PRR29: variants seen among roughly 807,000 people sequenced by gnomAD.
The protein encoded by PRR29 is proline rich 29.
A neutral mutation model predicts 25.1 loss-of-function variants in PRR29; 20 were observed. That is an observed-to-expected ratio of 0.80 (90% confidence interval 0.56 to 1.16). The LOEUF (loss-of-function observed/expected upper bound fraction) is 1.16. Ranked by LOEUF, PRR29 falls within the 50% of genes most tolerant of loss-of-function variation. The probability of loss-of-function intolerance (pLI) is 0.00; values close to 1 mark genes in which losing one functional copy is unlikely to be tolerated. For missense variants in PRR29, 238 were observed against 246.6 expected (o/e 0.97, Z 0.23); for synonymous variants, 108 against 102.6 (o/e 1.05, Z -0.32).
chr17:64,002,471 A>G lies in PRR29; in HGVS notation c.*710A>G, dbSNP rs1910840355. The G allele has an allele frequency of 2.0e-6, 1 of 490,820 alleles. No homozygotes were observed. Among genetic ancestry groups the G allele is most frequent in the South Asian group, 2.6e-5 (1 of 38,252 alleles). 30.4% of individuals were successfully genotyped at this position (490,820 alleles called of 1,614,324 possible). The stretch of plus-strand genomic sequence containing the variant: ...CTCGGGCCAGATGGGGGCCTGTTGC[A>G]TGGGCTGGGAGGCCCCTGTGAAGGA... On this transcript the variant is annotated 3_prime_UTR_variant, in exon 6 of 6. Coordinates refer to ENST00000412177, the MANE Select transcript of PRR29 (RefSeq NM_001164257.2).
chr17:64,000,372 T>C (rs889618194), intron 3 of PRR29, among the ~76,000 whole-genome samples: 10 of 152,158 alleles, frequency 6.6e-5, no homozygotes, highest in Non-Finnish European at 1.5e-4. Flanking sequence ...CTCTGTCACC[T>C]AGGCTGGAGT....
rs1349643010 is a variant in PRR29 at position 64,002,151 on chromosome 17, G to A, written c.*390G>A. ...GCCTAGTAATGGAGCAAGAGGGGAG[G>A]GGGGGATTCCTTCTGCTTTCCACAG... is the stretch of plus-strand genomic sequence containing the variant. On this transcript the variant is annotated 3_prime_UTR_variant, in exon 6 of 6. Coordinates refer to ENST00000412177, the MANE Select transcript of PRR29 (RefSeq NM_001164257.2). The A allele has an allele frequency of 1.3e-6, 1 of 796,310 alleles. No individual in the cohort carries two copies. The highest frequency in any genetic ancestry group is 2.7e-5 in the East Asian group (1 of 37,310). 49.3% of individuals were successfully genotyped at this position (796,310 alleles called of 1,614,324 possible). A position where few individuals can be genotyped will look rare whatever the true frequency, so the allele number is the denominator to read the frequency against.
chr17:64,001,352 G>A (rs957143005), intron 4 of PRR29, 42 bp downstream of exon 4: 1 of 1,515,572 alleles, frequency 6.6e-7, no homozygotes, highest in South Asian at 1.2e-5. Context: ...CTCTGGGCTG[G>A]AAGTTGCAGA....
chr17:63,999,170 C>A, intron 3 of PRR29, 96 bp downstream of exon 3: 1 of 928,344 alleles, frequency 1.1e-6, no homozygotes, highest in Non-Finnish European at 1.6e-6. Flanking sequence ...AACTGGGAGA[C>A]AGAGGAGCAG....
intron 3 of PRR29, among the ~76,000 whole-genome samples, chr17:64,000,455 G>C (rs957664331): frequency 1.3e-5 from 2 of 151,950 alleles, no homozygotes; most frequent in South Asian, 4.2e-4. Flanking sequence ...CCAGCCTCCC[G>C]AGTAGCTGGG....
chr17:63,999,123 G>A, intron 3 of PRR29, 49 bp downstream of exon 3: 1 of 1,397,562 alleles, frequency 7.2e-7, no homozygotes, highest in Non-Finnish European at 9.8e-7. Context: ...GTCCAGGGAT[G>A]CGGATCCACC....
Position 64,002,868 on chromosome 17 carries a change from G to GTGTC in PRR29, c.*1107_*1108insTGTC. The GTGTC allele has an allele frequency of 6.2e-7, 1 of 1,613,892 alleles. No individual in the cohort carries two copies. Among genetic ancestry groups the GTGTC allele is most frequent in the Non-Finnish European group, 8.5e-7 (1 of 1,179,962 alleles). On this transcript the variant is annotated 3_prime_UTR_variant, in exon 6 of 6. Transcript: ENST00000412177. ...GAGCAGGACAGATGTCACGAACAGG[G>GTGTC]ACAGCAACACCGACACCACCGTGAC...
chr17:63,998,462 T>A, intron 1 of PRR29, 38 bp downstream of exon 1: 1 of 1,452,534 alleles, frequency 6.9e-7, no homozygotes, highest in South Asian at 1.4e-5. Context: ...TGCCTTAGCT[T>A]GGGAGACGGC....
At chr17:64,001,025 G>C in intron 3 of PRR29, 59 bp from the exon 4 acceptor site, 1 of 1,350,548 alleles carries the variant, frequency 7.4e-7, no homozygotes, top group Non-Finnish European at 1.0e-6. Flanking sequence ...GAGGAGTGGC[G>C]GTGGGGAGAG....
Position 64,003,453 on chromosome 17 carries a change from T to G in PRR29, c.*1692T>G. On this transcript the variant is annotated 3_prime_UTR_variant, in exon 6 of 6. Coordinates refer to ENST00000412177, the MANE Select transcript of PRR29 (RefSeq NM_001164257.2). ...AGGAACTAGTTGACCTCTCCCGACC[T>G]CTGGAGCAGTTGAGGTCCAAGCTGG... The G allele has an allele frequency of 4.9e-6, 3 of 611,278 alleles. No homozygotes were observed. Among genetic ancestry groups the G allele is most frequent in the Non-Finnish European group, 8.7e-6 (3 of 344,290 alleles). 37.9% of individuals were successfully genotyped at this position (611,278 alleles called of 1,614,324 possible). A position where few individuals can be genotyped will look rare whatever the true frequency, so the allele number is the denominator to read the frequency against.
Position 64,003,852 on chromosome 17 carries a change from G to T in PRR29, c.*2091G>T. ...GAGTCTCATTGCCACGGAACAGGAA[G>T]AGGGTGAGGCTGTCCAGGGGCTCCA... On this transcript the variant is annotated 3_prime_UTR_variant, in exon 6 of 6. Coordinates refer to ENST00000412177, the MANE Select transcript of PRR29 (RefSeq NM_001164257.2). 1.2e-6 allele frequency: 2 copies of T among 1,614,246 alleles called. No homozygotes were observed. The highest frequency in any genetic ancestry group is 1.7e-6 in the Non-Finnish European group (2 of 1,180,036).
Position 64,004,126 on chromosome 17 carries a change from G to T in PRR29, c.*2365G>T. On this transcript the variant is annotated 3_prime_UTR_variant, in exon 6 of 6. Coordinates refer to ENST00000412177, the MANE Select transcript of PRR29 (RefSeq NM_001164257.2). The stretch of plus-strand genomic sequence containing the variant: ...GAGGAAGAGGGCAGCAGTTGAGGAT[G>T]GAGGCTGGACTGTGTGGTAGTTTTA... 1 of 605,688 alleles carries T rather than the reference G, an allele frequency of 1.7e-6. No individual in the cohort carries two copies. Among genetic ancestry groups the T allele is most frequent in the Non-Finnish European group, 2.9e-6 (1 of 341,388 alleles). 37.5% of individuals were successfully genotyped at this position (605,688 alleles called of 1,614,324 possible).
In PRR29 at chr17:64,003,972, G is replaced by C; in HGVS notation, c.*2211G>C. On this transcript the variant is annotated 3_prime_UTR_variant, in exon 6 of 6. Coordinates refer to ENST00000412177, the MANE Select transcript of PRR29 (RefSeq NM_001164257.2). Reference sequence around the variant, plus strand: ...TGACCTGCCTTGGAGGCTCTGCAGGGGACAAAGGAGGGAGGTCTGGTCAGG... The same window carrying C: ...TGACCTGCCTTGGAGGCTCTGCAGGCGACAAAGGAGGGAGGTCTGGTCAGG... The C allele has an allele frequency of 6.3e-7, 1 of 1,598,834 alleles. No homozygotes were observed. Among genetic ancestry groups the C allele is most frequent in the Non-Finnish European group, 8.5e-7 (1 of 1,172,428 alleles).
intron 3 of PRR29, 171 bp from the exon 4 acceptor site, chr17:64,000,913 G>T (rs1182615756): frequency 1.6e-6 from 1 of 613,348 alleles, no homozygotes; most frequent in Non-Finnish European, 2.9e-6. Context: ...TGATCCGCCC[G>T]CCTCGGCCTC....
In PRR29 at chr17:63,999,055, C is replaced by G. The variant is rs1286418059; in HGVS notation, c.224C>G (p.Pro75Arg). ...RLVAGALQPR[P>R]ASPCPQVYLE... is the part of the protein sequence containing the mutation. ...GTGGCTGGAGCGCTGCAGCCCCGGC[C>G]TGCCTCGCCCTGCCCTCAGGTGCGT... The change falls in exon 3 of 6, where the codon CCT becomes CGT. Residue 75 changes from proline (P) to arginine (R), a missense_variant. Physicochemically the swap from Pro to Arg is moderately radical, Grantham distance 103 (BLOSUM62 -2). Coordinates refer to ENST00000412177, the MANE Select transcript of PRR29 (RefSeq NM_001164257.2). 90 of 1,535,698 alleles carry G rather than the reference C, an allele frequency of 5.9e-5. No homozygotes were observed. The highest frequency in any genetic ancestry group is 7.6e-5 in the Non-Finnish European group (87 of 1,146,724).
Position 63,998,405 on chromosome 17 carries a change from C to G in PRR29, c.41C>G (p.Pro14Arg), listed in dbSNP as rs571777505. ...GGCGGAAGCTGGGGTCGCTCCCCACCGCAGAGCGCAGTCCCGACGGTGAGG... is the reference window on the plus strand; with the variant it reads ...GGCGGAAGCTGGGGTCGCTCCCCACGGCAGAGCGCAGTCCCGACGGTGAGG... ...GAGGSWGRSP[P>R]QSAVPTPWVT... The change falls in exon 1 of 6, where the codon CCG becomes CGG. Residue 14 changes from proline to arginine, a missense_variant. Coordinates refer to ENST00000412177, the MANE Select transcript of PRR29 (RefSeq NM_001164257.2). 1,745 of 1,507,866 alleles carry G rather than the reference C, an allele frequency of 1.2e-3. 17 individuals carry two copies. In the African/African-American group the frequency reaches 0.022, roughly 19 times the overall value. 93.4% of individuals were successfully genotyped at this position (1,507,866 alleles called of 1,614,324 possible).
At position 64,001,391 on chromosome 17, in the gene PRR29, G is replaced by A. The variant is rs180695578; in HGVS notation, c.471-76G>A. On this transcript the variant is annotated intron_variant, in intron 4 of 5. Transcript: ENST00000412177. ...GCTGTGCAGGGGCTGGTGGTCGGTG[G>A]AGATAACTTGTGGGTGAAACTCCAG... The A allele has an allele frequency of 4.1e-5, 61 of 1,488,970 alleles. No homozygotes were observed. In the African/African-American group the frequency reaches 7.9e-4, roughly 19 times the overall value. The allele number at this position is 1,488,970 out of a possible 1,614,324, so 92.2% of individuals were successfully genotyped here. A position where few individuals can be genotyped will look rare whatever the true frequency, so the allele number is the denominator to read the frequency against.
At position 64,001,789 on chromosome 17, in the gene PRR29, C is replaced by T; in HGVS notation, c.*28C>T. The T allele has an allele frequency of 1.3e-6, 2 of 1,537,156 alleles. No homozygotes were observed. Among genetic ancestry groups the T allele is most frequent in the Non-Finnish European group, 1.7e-6 (2 of 1,146,882 alleles). On this transcript the variant is annotated 3_prime_UTR_variant, in exon 6 of 6. Transcript: ENST00000412177. ...ACAGACCCCGGCCCTGGGAACTGCA[C>T]CAGCTTCCTGCTCTGGATACAGCCC...
rs1171528899 is a variant in PRR29 at position 64,002,826 on chromosome 17, T to C, written c.*1065T>C. ...GCCCATCCGCTGCTGGCGCAAGTGC[T>C]GGCCGAAGATGAAGCAGAGCAGGAC... On this transcript the variant is annotated 3_prime_UTR_variant, in exon 6 of 6. Transcript: ENST00000412177. 1.2e-6 allele frequency: 2 copies of C among 1,613,896 alleles called. No individual in the cohort carries two copies. The highest frequency in any genetic ancestry group is 2.2e-5 in the East Asian group (1 of 44,870).
Sources: gnomAD v4.1 joint callset for allele counts (sites outside exome capture counted in the v4.1 genomes callset) on GRCh38, gnomAD v4.1.1 for gene constraint, MANE v1.5 for transcripts, NCBI Gene and HGNC (gene_info 2026-07-23, HGNC 2026-07-21) for gene names.